The following CFAP20DC variants were observed in gnomAD, a reference collection of about 807,000 sequenced individuals.
CFAP20DC encodes the protein protein CFAP20DC.
Under a neutral mutation model 101.7 loss-of-function variants are expected in CFAP20DC, and 84 were observed. That is an observed-to-expected ratio of 0.83 (90% confidence interval 0.69 to 0.99). The LOEUF (loss-of-function observed/expected upper bound fraction) is 0.99. CFAP20DC is among the 50% of genes least tolerant of loss of function. The probability of loss-of-function intolerance (pLI) is 0.00; values close to 1 mark genes in which losing one functional copy is unlikely to be tolerated. For synonymous variants in CFAP20DC, 359 were observed against 351.2 expected, an observed-to-expected ratio of 1.02 and a Z score of -0.25; for missense variants, 1,007 against 970.3, an observed-to-expected ratio of 1.04 and a Z score of -0.50.
At chr3:58,953,184 G>A (rs1245653417) in intron 4 of CFAP20DC, among the ~76,000 whole-genome samples, 3 of 152,082 alleles carry the variant, frequency 2.0e-5, no homozygotes, top group East Asian at 3.9e-4. Context: ...ACACATCTAG[G>A]GGAAAAGCAT....
At chr3:58,823,093 T>C (rs559461178) in intron 14 of CFAP20DC, among the ~76,000 whole-genome samples, 3 of 152,258 alleles carry the variant, frequency 2.0e-5, no homozygotes, top group Non-Finnish European at 4.4e-5. Flanking sequence ...GTAAAAATAT[T>C]CAAGTTTCAC....
At chr3:58,906,062 T>C (rs554767738) in intron 6 of CFAP20DC, among the ~76,000 whole-genome samples, 5 of 152,348 alleles carry the variant, frequency 3.3e-5, no homozygotes, top group African/African-American at 1.2e-4. Flanking sequence ...GACCTCTCCA[T>C]GCCTCAGTTT....
At chr3:58,937,841 A>C in intron 4 of CFAP20DC, 79 bp from the exon 5 acceptor site, 1 of 792,140 alleles carries the variant, frequency 1.3e-6, no homozygotes, top group South Asian at 1.5e-5. Flanking sequence ...TCAAAATGAT[A>C]TAATTTATCA....
At chr3:59,040,746 T>G (rs1699300418) in intron 3 of CFAP20DC, among the ~76,000 whole-genome samples, 1 of 152,118 alleles carries the variant, frequency 6.6e-6, no homozygotes, top group Non-Finnish European at 1.5e-5. Flanking sequence ...GCAACATTCC[T>G]GAACAACTTA....
chr3:58,925,284 A>G (rs1467410049), intron 5 of CFAP20DC, among the ~76,000 whole-genome samples: 2 of 152,170 alleles, frequency 1.3e-5, no homozygotes, highest in African/African-American at 2.4e-5. Flanking sequence ...TCCAAGAGAA[A>G]ATTAATTTAC....
intron 15 of CFAP20DC, among the ~76,000 whole-genome samples, chr3:58,756,573 TACA>T (rs1388076378): frequency 6.6e-6 from 1 of 152,080 alleles, no homozygotes; most frequent in African/African-American, 2.4e-5. Flanking sequence ...GTGGATTACA[TACA>T]ACATTAACAA....
chr3:59,042,002 C>A (rs1699433492), intron 3 of CFAP20DC, among the ~76,000 whole-genome samples: 1 of 152,110 alleles, frequency 6.6e-6, no homozygotes, highest in South Asian at 2.1e-4. Context: ...AATTTATATT[C>A]TAGCTCCATG....
chr3:58,985,777 A>G (rs2092730508), intron 4 of CFAP20DC, among the ~76,000 whole-genome samples: 2 of 152,318 alleles, frequency 1.3e-5, no homozygotes, highest in South Asian at 4.1e-4. Context: ...TAGCAATTAT[A>G]TATACTTCTG....
intron 4 of CFAP20DC, among the ~76,000 whole-genome samples, chr3:58,970,128 A>G (rs2091863840): frequency 6.6e-6 from 1 of 152,172 alleles, no homozygotes. Flanking sequence ...GAGAACTACT[A>G]TTTTTATTCC....
chr3:58,862,105 G>A (rs2079298040), intron 12 of CFAP20DC: 1 of 944,522 alleles, frequency 1.1e-6, no homozygotes, highest in Non-Finnish European at 1.3e-6. Context: ...TATTTAAAGG[G>A]CAGATTATCC....
Position 58,790,867 on chromosome 3 carries a change from G to C in CFAP20DC, c.2237+15528C>G, listed in dbSNP as rs373096355. ...CAAAATGGAGTTGGGACTGGAGTGAGAAAATGTGAGACTAGAGGAGAAAAC... is the reference window on the plus strand; with the variant it reads ...CAAAATGGAGTTGGGACTGGAGTGACAAAATGTGAGACTAGAGGAGAAAAC... On this transcript the variant is annotated intron_variant, in intron 15 of 16. Transcript: ENST00000482387. Among the ~76,000 whole-genome samples, 14 of 152,260 alleles carry C rather than the reference G, an allele frequency of 9.2e-5. No individual in the cohort carries two copies. The South Asian group carries it at 2.1e-3, about 23-fold the overall frequency.
At chr3:58,804,035 A>G (rs1435738113) in intron 15 of CFAP20DC, among the ~76,000 whole-genome samples, 2 of 152,178 alleles carry the variant, frequency 1.3e-5, no homozygotes, top group African/African-American at 4.8e-5. Flanking sequence ...TATGCTTTCT[A>G]TATAGGACAA....
chr3:58,856,314 A>ACACACT, intron 12 of CFAP20DC, among the ~76,000 whole-genome samples: 1 of 132,296 alleles, frequency 7.6e-6, no homozygotes, highest in Non-Finnish European at 1.6e-5. Flanking sequence ...ACACACACAC[A>ACACACT]TAACTGATGG....
Position 58,894,507 on chromosome 3 carries a change from C to T in CFAP20DC, c.551-9798G>A, listed in dbSNP as rs183436003. 3.1e-3 allele frequency among the ~76,000 whole-genome samples: 467 copies of T among 152,342 alleles called. 1 individual carries two copies. Among genetic ancestry groups the T allele is most frequent in the Non-Finnish European group, 4.6e-3 (312 of 68,036 alleles). On this transcript the variant is annotated intron_variant, in intron 6 of 16. Transcript: ENST00000482387. This position sits in a 1 kb window ranked among gnomAD's most constrained non-coding sequence, Gnocchi z 4.1. ...GACTCCATGTCTCACATTCAGGACA[C>T]GCTGATGCAGAAGGTGGGTTCCTAC... is the stretch of plus-strand genomic sequence containing the variant.
intron 4 of CFAP20DC, among the ~76,000 whole-genome samples, chr3:58,987,211 T>C (rs1032697086): frequency 3.9e-5 from 6 of 152,074 alleles, no homozygotes; most frequent in Non-Finnish European, 5.9e-5. Flanking sequence ...GTTTGTGTTA[T>C]AAGAGAATGA....
intron 6 of CFAP20DC, among the ~76,000 whole-genome samples, chr3:58,898,498 T>C (rs780824891): frequency 2.8e-4 from 43 of 152,208 alleles, no homozygotes; most frequent in Non-Finnish European, 4.8e-4. Context: ...TGTGATTGCA[T>C]TGTGAAGTTC....
chr3:58,806,386 G>T lies in CFAP20DC; in HGVS notation c.2237+9C>A. Reference sequence around the variant, plus strand: ...TTTTTCTTAAATGTAGATTATTAATGATTCTTACCGGGGATTAGAAGGAGA... The same window carrying T: ...TTTTTCTTAAATGTAGATTATTAATTATTCTTACCGGGGATTAGAAGGAGA... On this transcript the variant is annotated intron_variant, in intron 15 of 16. Coordinates refer to ENST00000482387, the MANE Select transcript of CFAP20DC (RefSeq NM_001394063.1). 2 of 1,541,214 alleles carry T rather than the reference G, an allele frequency of 1.3e-6. No homozygotes were observed. Among genetic ancestry groups the T allele is most frequent in the Non-Finnish European group, 1.8e-6 (2 of 1,114,218 alleles).
At chr3:58,898,873 G>A (rs2082895533) in intron 6 of CFAP20DC, among the ~76,000 whole-genome samples, 1 of 151,082 alleles carries the variant, frequency 6.6e-6, no homozygotes, top group African/African-American at 2.4e-5. Context: ...TTTTTGTGGG[G>A]TCCTTTTTGT....
chr3:59,042,389 G>A (rs1448652860), intron 3 of CFAP20DC, among the ~76,000 whole-genome samples: 2 of 151,798 alleles, frequency 1.3e-5, no homozygotes, highest in Admixed American at 6.6e-5. Flanking sequence ...TAAACCCCTC[G>A]TACATTAATT....
Sources: gnomAD v4.1 joint callset for allele counts (sites outside exome capture counted in the v4.1 genomes callset) on GRCh38, gnomAD v4.1.1 for gene constraint, Gnocchi (gnomAD v3.1) non-coding constraint, MANE v1.5 for transcripts, NCBI Gene and HGNC (gene_info 2026-07-23, HGNC 2026-07-21) for gene names.